Variants in CPA5 observed in about 807,000 individuals in gnomAD.
The protein encoded by CPA5 is testicular tissue protein Li 32.
Under a neutral mutation model 52.2 loss-of-function variants are expected in CPA5, and 38 were observed. The observed-to-expected ratio is 0.73, with a 90% CI of 0.56 to 0.95. CPA5 has a LOEUF of 0.95. Among genes scored for constraint, CPA5 ranks in the 40% least tolerant of loss-of-function variants. The pLI, the probability that CPA5 is intolerant of heterozygous loss-of-function variation, is 0.00. For synonymous variants in CPA5, 198 were observed against 213.7 expected (o/e 0.93, Z 0.64); for missense variants, 519 against 566.7 (o/e 0.92, Z 0.86).
chr7:130,349,888 A>AGATT, intron 4 of CPA5, 87 bp from the exon 5 acceptor site: 1 of 1,464,148 alleles, frequency 6.8e-7, no homozygotes, highest in Non-Finnish European at 9.2e-7. Flanking sequence ...ACTGGCTGAG[A>AGATT]GATTCTCTGG....
chr7:130,369,686 T>C (rs1270976439), downstream of CPA5, among the ~76,000 whole-genome samples: 1 of 152,050 alleles, frequency 6.6e-6, no homozygotes, highest in Non-Finnish European at 1.5e-5. Flanking sequence ...CGTGTGTGTG[T>C]CCGTGTGTGT....
rs555651384 is a variant in CPA5, at chr7:130,358,287, C to G, written c.334-1302C>G. ...GTGCTGCGTTTACAGGTGTGAGCCACCATGCCCAACCTGCATATGTGTTAT... is the reference window on the plus strand; with the variant it reads ...GTGCTGCGTTTACAGGTGTGAGCCAGCATGCCCAACCTGCATATGTGTTAT... On this transcript the variant is annotated intron_variant, in intron 5 of 12. Transcript: ENST00000474905. Among the ~76,000 whole-genome samples the G allele has an allele frequency of 3.0e-3, 463 of 152,262 alleles. 4 individuals are homozygous for G. The highest frequency in any genetic ancestry group is 0.011 in the African/African-American group (437 of 41,548).
At chr7:130,360,710 C>T (rs545687377) in intron 6 of CPA5, among the ~76,000 whole-genome samples, 84 of 152,318 alleles carry the variant, frequency 5.5e-4, no homozygotes, top group African/African-American at 2.0e-3. Context: ...AACAAGAACC[C>T]TGCCTTCAAG....
At chr7:130,368,991 A>G (rs535753092), downstream of CPA5, among the ~76,000 whole-genome samples, 1 of 152,330 alleles carries the variant, frequency 6.6e-6, no homozygotes, top group Non-Finnish European at 1.5e-5. Context: ...TGTTTGCTCT[A>G]AAAGAGCATT....
rs782539966 is a variant in CPA5 at position 130,347,770 on chromosome 7, C to G, written c.121C>G (p.Gln41Glu). 6.2e-7 allele frequency: 1 copy of G among 1,613,872 alleles called. No homozygotes were observed. The highest frequency in any genetic ancestry group is 1.7e-5 in the Admixed American group (1 of 60,008). The change falls in exon 4 of 13, where the codon CAG becomes GAG. Residue 41 changes from glutamine to glutamate, a missense_variant. By Grantham distance (29) the Gln-to-Glu change is conservative. Coordinates refer to ENST00000474905, the MANE Select transcript of CPA5 (RefSeq NM_080385.5). ...ALGQMNFTGD[Q>E]VLRVLAKDEK... is the part of the protein sequence containing the mutation. Reference sequence around the variant, plus strand: ...CCCCTCCCTGTGTTTTTCTAGGGACCAGGTTCTTCGAGTCCTGGCCAAAGA... The same window carrying G: ...CCCCTCCCTGTGTTTTTCTAGGGACGAGGTTCTTCGAGTCCTGGCCAAAGA...
downstream of CPA5, among the ~76,000 whole-genome samples, chr7:130,372,236 G>A (rs1340939827): frequency 1.3e-5 from 2 of 152,204 alleles, no homozygotes; most frequent in African/African-American, 4.8e-5. Flanking sequence ...GCTACATGAG[G>A]GCAGGGGCCG....
intron 10 of CPA5, among the ~76,000 whole-genome samples, chr7:130,364,743 G>T (rs545827938): frequency 1.3e-5 from 2 of 152,248 alleles, no homozygotes; most frequent in Admixed American, 6.5e-5. Flanking sequence ...ATCCCAGTGA[G>T]GGGGAGGGGG....
chr7:130,367,828 A>C, intron 11 of CPA5, 78 bp from the exon 12 acceptor site: 1 of 1,235,124 alleles, frequency 8.1e-7, no homozygotes, highest in Non-Finnish European at 1.2e-6. Flanking sequence ...CATGCTTCTC[A>C]CCAGCTGGTG....
intron 8 of CPA5, 36 bp downstream of exon 8, chr7:130,362,575 T>A (rs781919902): frequency 6.8e-7 from 1 of 1,464,530 alleles, no homozygotes; most frequent in Admixed American, 1.7e-5. Flanking sequence ...GCACCCACGA[T>A]GGGGGCTGCA....
chr7:130,368,332 A>T, intron 12 of CPA5, 78 bp from the exon 13 acceptor site: 1 of 1,442,736 alleles, frequency 6.9e-7, no homozygotes. Flanking sequence ...CTCACTTTCC[A>T]CCCAGGATGC....
At chr7:130,356,935 C>T (rs141402707) in intron 5 of CPA5, among the ~76,000 whole-genome samples, 393 of 152,308 alleles carry the variant, frequency 2.6e-3, no homozygotes, top group Non-Finnish European at 3.8e-3. Flanking sequence ...GGCTGGCACA[C>T]ATTGGTCATG....
downstream of CPA5, among the ~76,000 whole-genome samples, chr7:130,373,426 T>C (rs1449500020): frequency 1.3e-5 from 2 of 152,138 alleles, no homozygotes; most frequent in Admixed American, 6.5e-5. Flanking sequence ...CAATTCTACA[T>C]ATGGAAAGCT....
chr7:130,354,854 C>T (rs1020202549), intron 5 of CPA5, among the ~76,000 whole-genome samples: 1 of 152,182 alleles, frequency 6.6e-6, no homozygotes, highest in Non-Finnish European at 1.5e-5. Context: ...CTCAGCCTCC[C>T]GAATGGCTGG....
At chr7:130,371,106 A>G (rs1796290759), downstream of CPA5, among the ~76,000 whole-genome samples, 1 of 152,186 alleles carries the variant, frequency 6.6e-6, no homozygotes, top group Non-Finnish European at 1.5e-5. Context: ...ACTAAATCCA[A>G]GTCTCTAGTG....
chr7:130,373,846 G>A, the CPA5 span, among the ~76,000 whole-genome samples: 2 of 152,256 alleles, frequency 1.3e-5, no homozygotes, highest in Non-Finnish European at 2.9e-5. Context: ...GGCCTGCGGG[G>A]CCCCAGGGCC....
Position 130,349,971 on chromosome 7 carries a change from C to A in CPA5, c.199-4C>A. 1 of 1,611,334 alleles carries A rather than the reference C, an allele frequency of 6.2e-7. No individual in the cohort carries two copies. Among genetic ancestry groups the A allele is most frequent in the Non-Finnish European group, 8.5e-7 (1 of 1,178,896 alleles). On this transcript the variant is annotated splice_region_variant and splice_polypyrimidine_tract_variant and intron_variant, in intron 4 of 12. Transcript: ENST00000474905. ...CAGCTCTCTCTCTTTCCTTGGTGAA[C>A]AAGGTGGACTTCTGGCGTGGCCCAG...
Position 130,346,589 on chromosome 7 carries a change from T to G in CPA5, c.104T>G (p.Met35Arg). The G allele has an allele frequency of 6.2e-7, 1 of 1,613,700 alleles. No homozygotes were observed. The highest frequency in any genetic ancestry group is 8.5e-7 in the Non-Finnish European group (1 of 1,179,720). Residue 35 changes from methionine (M) to arginine (R), a missense_variant, in exon 3 of 13, where the codon ATG (methionine) becomes AGG (arginine). Coordinates refer to ENST00000474905, the MANE Select transcript of CPA5 (RefSeq NM_080385.5). Reference protein sequence around the residue: ...SFILAAALGQMNFTGDQVLRV... With the variant: ...SFILAAALGQRNFTGDQVLRV... ...ATCCTGGCAGCAGCTTTGGGCCAAA[T>G]GAATTTCACAGGGTGAGTGGCTGCT...
chr7:130,368,005 C>T lies in CPA5; in HGVS notation c.1123+15C>T. ...CACCACCCTCTGTGAGTGAGCCTCCCCTGGCCCTGCTTCAGACACCACATC... is the reference window on the plus strand; with the variant it reads ...CACCACCCTCTGTGAGTGAGCCTCCTCTGGCCCTGCTTCAGACACCACATC... On this transcript the variant is annotated intron_variant, in intron 12 of 12. Transcript: ENST00000474905. The T allele has an allele frequency of 6.2e-7, 1 of 1,610,348 alleles. No homozygotes were observed. Among genetic ancestry groups the T allele is most frequent in the East Asian group, 2.2e-5 (1 of 44,860 alleles).
chr7:130,350,437 C>T (rs1033893427), intron 5 of CPA5, among the ~76,000 whole-genome samples: 3 of 152,138 alleles, frequency 2.0e-5, no homozygotes, highest in African/African-American at 7.2e-5. Flanking sequence ...CCCCAGGCAC[C>T]GTGGGAAGGT....
Sources: allele counts gnomAD v4.1 joint callset (sites outside exome capture counted in the v4.1 genomes callset), GRCh38; gene constraint gnomAD v4.1.1; transcripts MANE v1.5; gene names NCBI Gene and HGNC (gene_info 2026-07-23, HGNC 2026-07-21).